PAPPA2: variants seen among roughly 807,000 people sequenced by gnomAD.
PAPPA2 encodes the protein pappalysin 2.
A neutral mutation model predicts 176.4 loss-of-function variants in PAPPA2; 86 were observed. That is an observed-to-expected ratio of 0.49 (90% confidence interval 0.41 to 0.58). The LOEUF is 0.58. PAPPA2 is among the 20% of genes least tolerant of loss of function. The probability of loss-of-function intolerance (pLI) is 0.00; values close to 1 mark genes in which losing one functional copy is unlikely to be tolerated. For synonymous variants in PAPPA2, 809 were observed against 852.2 expected, an observed-to-expected ratio of 0.95 and a Z score of 0.88; for missense variants, 2,073 against 2,256.9, an observed-to-expected ratio of 0.92 and a Z score of 1.65.
At chr1:176,486,195 A>G (rs935813348) in intron 1 of PAPPA2, among the ~76,000 whole-genome samples, 1 of 152,226 alleles carries the variant, frequency 6.6e-6, no homozygotes, top group African/African-American at 2.4e-5. Context: ...CTTTTCTTGC[A>G]TCTCTTGTTT....
chr1:176,613,521 G>A (rs1364726047), intron 3 of PAPPA2, among the ~76,000 whole-genome samples: 2 of 152,186 alleles, frequency 1.3e-5, no homozygotes, highest in Non-Finnish European at 2.9e-5. Context: ...AGCAGAGGAC[G>A]CTATGTCAAA....
chr1:176,605,427 T>C (rs545665572), intron 3 of PAPPA2, among the ~76,000 whole-genome samples: 26 of 152,318 alleles, frequency 1.7e-4, no homozygotes, highest in African/African-American at 5.8e-4. Flanking sequence ...ATTCAGGAAC[T>C]CCATCTCTCT....
At chr1:176,737,715 C>A (rs1480521390) in intron 12 of PAPPA2, among the ~76,000 whole-genome samples, 1 of 152,030 alleles carries the variant, frequency 6.6e-6, no homozygotes, top group Non-Finnish European at 1.5e-5. Flanking sequence ...CAGGAACAGG[C>A]AAAGTGATTT....
At chr1:176,545,383 T>A (rs2102572391) in intron 1 of PAPPA2, among the ~76,000 whole-genome samples, 1 of 151,886 alleles carries the variant, frequency 6.6e-6, no homozygotes, top group Non-Finnish European at 1.5e-5. Context: ...TATAACTGTG[T>A]TCCTCATCCA....
chr1:176,517,379 G>A (rs1245062889), intron 1 of PAPPA2, among the ~76,000 whole-genome samples: 1 of 152,184 alleles, frequency 6.6e-6, no homozygotes, highest in African/African-American at 2.4e-5. Context: ...AGTTCCTGCT[G>A]TAAATCTGTC....
intron 1 of PAPPA2, among the ~76,000 whole-genome samples, chr1:176,503,923 T>C (rs1052277031): frequency 1.3e-5 from 2 of 152,162 alleles, no homozygotes; most frequent in African/African-American, 4.8e-5. Flanking sequence ...AAGTGTATCA[T>C]GAAATAAACA....
intron 3 of PAPPA2, among the ~76,000 whole-genome samples, chr1:176,624,102 T>A (rs540925218): frequency 1.3e-5 from 2 of 152,228 alleles, no homozygotes; most frequent in African/African-American, 4.8e-5. Flanking sequence ...GTCCTGGCAC[T>A]CAAATGAATA....
At chr1:176,585,698 G>A (rs1653263860) in intron 2 of PAPPA2, among the ~76,000 whole-genome samples, 2 of 151,190 alleles carry the variant, frequency 1.3e-5, no homozygotes, top group South Asian at 4.2e-4. Context: ...TTTTTTGTCT[G>A]CCTGAGTTAT....
rs117031675 is a variant in PAPPA2, at chr1:176,681,940, C to T, written c.2138-8197C>T. ...CAGAGTAGCTCTCACAGGGTTGGTA[C>T]GGGTAGGACCACTCCCTGGGAGAAG... On this transcript the variant is annotated intron_variant, in intron 4 of 22. Coordinates refer to ENST00000367662, the MANE Select transcript of PAPPA2 (RefSeq NM_020318.3). Among the ~76,000 whole-genome samples, 103 of 152,096 alleles carry T rather than the reference C, an allele frequency of 6.8e-4. 2 individuals are homozygous for T. The East Asian group carries it at 0.012, about 17-fold the overall frequency.
chr1:176,744,733 A>G (rs890815185), intron 14 of PAPPA2, among the ~76,000 whole-genome samples: 1 of 152,178 alleles, frequency 6.6e-6, no homozygotes, highest in Admixed American at 6.5e-5. Context: ...GTTTGGCTTC[A>G]TTACTATTCT....
intron 12 of PAPPA2, among the ~76,000 whole-genome samples, chr1:176,715,025 A>G (rs149151994): frequency 3.2e-4 from 48 of 152,222 alleles, no homozygotes; most frequent in African/African-American, 1.0e-3. Context: ...AGACCTCCTG[A>G]CTAATCACTG....
intron 2 of PAPPA2, among the ~76,000 whole-genome samples, chr1:176,569,452 T>A (rs535586064): frequency 6.6e-6 from 1 of 152,374 alleles, no homozygotes; most frequent in South Asian, 2.1e-4. Context: ...TAAAGACTGA[T>A]TTAGGTTTGC....
intron 3 of PAPPA2, among the ~76,000 whole-genome samples, chr1:176,665,379 G>C (rs1272587380): frequency 6.6e-6 from 1 of 152,108 alleles, no homozygotes; most frequent in African/African-American, 2.4e-5. Flanking sequence ...ATTTCCAGAT[G>C]ATTCTCTGCC....
At chr1:176,840,044 C>T (rs548617695) in intron 21 of PAPPA2, 129 bp from the exon 22 acceptor site, 21 of 698,550 alleles carry the variant, frequency 3.0e-5, no homozygotes, top group Non-Finnish European at 4.9e-5. Flanking sequence ...CAATTTGTGT[C>T]CTGCACCTTG....
At chr1:176,647,740 A>G (rs1657488460) in intron 3 of PAPPA2, among the ~76,000 whole-genome samples, 1 of 151,386 alleles carries the variant, frequency 6.6e-6, no homozygotes, top group Non-Finnish European at 1.5e-5. Context: ...AAGGATTAAT[A>G]TCTGGGTTCT....
intron 21 of PAPPA2, among the ~76,000 whole-genome samples, chr1:176,806,415 G>C (rs574247537): frequency 1.3e-5 from 2 of 152,144 alleles, no homozygotes; most frequent in Non-Finnish European, 2.9e-5. Context: ...GACTTTGAGA[G>C]TCTTAAATGG....
intron 17 of PAPPA2, among the ~76,000 whole-genome samples, chr1:176,774,366 C>T (rs950819710): frequency 2.6e-5 from 4 of 152,222 alleles, no homozygotes; most frequent in East Asian, 1.9e-4. Context: ...GCTTGGATAT[C>T]GTGTCTACAT....
At chr1:176,698,238 A>G (rs1011287319) in intron 7 of PAPPA2, among the ~76,000 whole-genome samples, 8 of 152,218 alleles carry the variant, frequency 5.3e-5, no homozygotes, top group Non-Finnish European at 1.2e-4. Context: ...GTATAGATCT[A>G]CACTGCCCTA....
At position 176,765,677 on chromosome 1, in the gene PAPPA2, G is replaced by A. The variant is rs771599933; in HGVS notation, c.4163G>A (p.Arg1388Gln). ...TTCTCTTATCCCAGCTGTATCCATC[G>A]GCCCTGTGGGAAGCAGGACAGCTGT... Reference protein sequence around the residue: ...QNHQGQSCIHRPCGKQDSCPS... With the variant: ...QNHQGQSCIHQPCGKQDSCPS... Residue 1388 changes from arginine to glutamine, a missense_variant, in exon 15 of 23, where the codon CGG becomes CAG. Physicochemically the swap from Arg to Gln is conservative, Grantham distance 43. Transcript: ENST00000367662. 19 of 1,613,786 alleles carry A rather than the reference G, an allele frequency of 1.2e-5. No individual in the cohort carries two copies. Among genetic ancestry groups the A allele is most frequent in the African/African-American group, 2.7e-5 (2 of 74,898 alleles).
Sources: gnomAD v4.1 joint callset for allele counts (sites outside exome capture counted in the v4.1 genomes callset) on GRCh38, gnomAD v4.1.1 for gene constraint, MANE v1.5 for transcripts, NCBI Gene and HGNC (gene_info 2026-07-23, HGNC 2026-07-21) for gene names.